The following PTPRN2 variants were observed in gnomAD, a reference collection of about 807,000 sequenced individuals.
PTPRN2 encodes the protein protein tyrosine phosphatase receptor type N2.
A neutral mutation model predicts 118.8 loss-of-function variants in PTPRN2; 74 were observed. That is an observed-to-expected ratio of 0.62 (90% CI 0.52 to 0.76). The LOEUF is 0.76. Ranked by LOEUF, PTPRN2 falls within the 30% of genes least tolerant of loss-of-function variation. The pLI is 0.00. For synonymous variants in PTPRN2, 641 were observed against 608.0 expected (o/e 1.05, Z -0.80); for missense variants, 1,481 against 1,394.4 (o/e 1.06, Z -0.99).
At chr7:158,070,977 G>A (rs1389444600) in intron 11 of PTPRN2, among the ~76,000 whole-genome samples, 1 of 127,238 alleles carries the variant, frequency 7.9e-6, no homozygotes, top group African/African-American at 3.4e-5. Context: ...CACGGTGGAG[G>A]TGCCCGTGGT....
intron 2 of PTPRN2, among the ~76,000 whole-genome samples, chr7:158,354,626 ACAAT>A (rs1393451825): frequency 6.6e-6 from 1 of 152,208 alleles, no homozygotes; most frequent in Non-Finnish European, 1.5e-5. Context: ...GCTCAAATAC[ACAAT>A]CAGAGGAGGA....
At chr7:158,296,550 C>T (rs1450741033) in intron 3 of PTPRN2, among the ~76,000 whole-genome samples, 1 of 152,182 alleles carries the variant, frequency 6.6e-6, no homozygotes, top group Non-Finnish European at 1.5e-5. Flanking sequence ...CACAAGCCGC[C>T]CACAGACGGC....
At chr7:158,362,005 C>A (rs1235712395) in intron 2 of PTPRN2, among the ~76,000 whole-genome samples, 1 of 152,318 alleles carries the variant, frequency 6.6e-6, no homozygotes, top group Admixed American at 6.5e-5. Flanking sequence ...CCTTCCCCAT[C>A]GTGGGTTCCA....
At chr7:157,541,892 C>A (rs1798031134) in intron 22 of PTPRN2, among the ~76,000 whole-genome samples, 1 of 152,242 alleles carries the variant, frequency 6.6e-6, no homozygotes, top group Non-Finnish European at 1.5e-5. Context: ...CTTTCATATT[C>A]TTCTGCCCTG....
chr7:158,455,796 G>T lies in PTPRN2; in HGVS notation c.163+33939C>A, dbSNP rs1586715302. 1.3e-5 allele frequency among the ~76,000 whole-genome samples: 2 copies of T among 149,080 alleles called. 1 individual carries two copies. ...ATCGGCCATGGCCACCCATTACTCTGCAGAGAACATAACGGCACAGATGCC... is the reference window on the plus strand; with the variant it reads ...ATCGGCCATGGCCACCCATTACTCTTCAGAGAACATAACGGCACAGATGCC... On this transcript the variant is annotated intron_variant, in intron 2 of 22. Coordinates refer to ENST00000389418, the MANE Select transcript of PTPRN2 (RefSeq NM_002847.5).
In PTPRN2 at chr7:158,281,759, TC is replaced by T. The variant is rs200277703; in HGVS notation, c.277+35059del. ...GTCCAGGAGCCAGGAGAGCCCAAAA[TC>T]CCCATCCATGCTCCTAGAAAGGAAG... On this transcript the variant is annotated intron_variant, in intron 3 of 22. Transcript: ENST00000389418. 9.1e-3 allele frequency among the ~76,000 whole-genome samples: 1,382 copies of T among 152,216 alleles called. 24 individuals are homozygous for T. The highest frequency in any genetic ancestry group is 0.032 in the African/African-American group (1,312 of 41,512).
rs375727638 is a variant in PTPRN2 at position 157,736,517 on chromosome 7, G to T, written c.1789-53580C>A. 1.2e-4 allele frequency among the ~76,000 whole-genome samples: 18 copies of T among 152,278 alleles called. No homozygotes were observed. The East Asian group carries it at 2.7e-3, about 23-fold the overall frequency. ...GGGAGAAGATGCTGTCCACAAGCCCGGGAGAGAGGTCACAGGAAGAACCGC... is the reference window on the plus strand; with the variant it reads ...GGGAGAAGATGCTGTCCACAAGCCCTGGAGAGAGGTCACAGGAAGAACCGC... On this transcript the variant is annotated intron_variant, in intron 12 of 22. Coordinates refer to ENST00000389418, the MANE Select transcript of PTPRN2 (RefSeq NM_002847.5).
chr7:158,166,464 A>C (rs56343460), intron 6 of PTPRN2, among the ~76,000 whole-genome samples: 8 of 9,110 alleles, frequency 8.8e-4, no homozygotes, highest in Admixed American at 2.5e-3. Context: ...CTCCCCTCCC[A>C]CTGGCCACTG....
intron 12 of PTPRN2, among the ~76,000 whole-genome samples, chr7:157,768,757 G>T (rs1025574517): frequency 2.0e-5 from 3 of 152,192 alleles, no homozygotes; most frequent in African/African-American, 7.2e-5. Flanking sequence ...CATCCATTCT[G>T]CTTAGGGGAG....
intron 2 of PTPRN2, among the ~76,000 whole-genome samples, chr7:158,364,190 C>A (rs1809245743): frequency 6.7e-6 from 1 of 149,322 alleles, no homozygotes; most frequent in South Asian, 2.2e-4. Context: ...CTTCCCACAG[C>A]AGGGTCTGCA....
intron 2 of PTPRN2, among the ~76,000 whole-genome samples, chr7:158,412,571 T>C (rs112536503): frequency 1.3e-3 from 61 of 47,970 alleles, no homozygotes; most frequent in Admixed American, 4.0e-3. Context: ...CACCAGGGCC[T>C]ATCTCAGCAC....
At chr7:158,287,296 C>G (rs1799829658) in intron 3 of PTPRN2, among the ~76,000 whole-genome samples, 1 of 151,678 alleles carries the variant, frequency 6.6e-6, no homozygotes, top group South Asian at 2.1e-4. Context: ...TTGATCTTTT[C>G]TATTGTTTTT....
chr7:158,214,716 C>T (rs914173830), intron 3 of PTPRN2, among the ~76,000 whole-genome samples: 3 of 152,048 alleles, frequency 2.0e-5, no homozygotes, highest in Non-Finnish European at 4.4e-5. Flanking sequence ...CCTGCAGTGC[C>T]AGCAGAGACC....
At chr7:158,092,315 A>T (rs1814257378) in intron 10 of PTPRN2, among the ~76,000 whole-genome samples, 1 of 82,394 alleles carries the variant, frequency 1.2e-5, no homozygotes, top group African/African-American at 4.8e-5. Context: ...GGTGGGAGGG[A>T]GGATGGGTGG....
intron 12 of PTPRN2, chr7:157,864,746 C>T (rs1441301218): frequency 1.3e-5 from 2 of 152,244 alleles, no homozygotes; most frequent in African/African-American, 4.8e-5. Context: ...CCCTCAAACG[C>T]TCATAGACGT....
In PTPRN2 at chr7:157,977,104, G is replaced by A. The variant is rs1802813330; in HGVS notation, c.1724-78367C>T. 6.6e-6 allele frequency among the ~76,000 whole-genome samples: 1 copy of A among 151,938 alleles called. No homozygotes were observed. The highest frequency in any genetic ancestry group is 1.9e-4 in the East Asian group (1 of 5,192). ...AACAGATGCAAGGGTAGGAACCACA[G>A]CTAATAGTCCATGAATCTAATAATT... On this transcript the variant is annotated intron_variant, in intron 11 of 22. Coordinates refer to ENST00000389418, the MANE Select transcript of PTPRN2 (RefSeq NM_002847.5). This position sits in a 1 kb window ranked among gnomAD's most constrained non-coding sequence, Gnocchi z 4.6.
At chr7:157,786,591 C>T (rs777257464) in intron 12 of PTPRN2, among the ~76,000 whole-genome samples, 21 of 152,302 alleles carry the variant, frequency 1.4e-4, no homozygotes, top group Non-Finnish European at 2.1e-4. Flanking sequence ...GGACCGGGCT[C>T]GCTCCCACTC....
At chr7:158,085,668 C>T (rs1813319075) in intron 10 of PTPRN2, among the ~76,000 whole-genome samples, 1 of 142,396 alleles carries the variant, frequency 7.0e-6, no homozygotes, top group Admixed American at 6.9e-5. Context: ...ACCCACGACG[C>T]CCATCCACAC....
At chr7:157,890,444 A>T (rs1213342949) in intron 12 of PTPRN2, among the ~76,000 whole-genome samples, 1 of 152,184 alleles carries the variant, frequency 6.6e-6, no homozygotes, top group Non-Finnish European at 1.5e-5. Context: ...CATCAAAACC[A>T]TCCTGGCTAA....
Sources: gnomAD v4.1 joint callset for allele counts (sites outside exome capture counted in the v4.1 genomes callset) on GRCh38, gnomAD v4.1.1 for gene constraint, Gnocchi (gnomAD v3.1) non-coding constraint, MANE v1.5 for transcripts, NCBI Gene and HGNC (gene_info 2026-07-23, HGNC 2026-07-21) for gene names.